SLC8A1: variants seen among roughly 807,000 people sequenced by gnomAD.
SLC8A1 encodes the protein solute carrier family 8 member A1.
A neutral mutation model predicts 68.3 loss-of-function variants in SLC8A1; 18 were observed. The ratio of observed to expected loss-of-function variants is 0.26; its 90% CI spans 0.18 to 0.39. The LOEUF (loss-of-function observed/expected upper bound fraction) is 0.39, where lower values mean the gene tolerates loss of function less well. SLC8A1 is among the 10% of genes least tolerant of loss of function. The pLI is 1.00. For synonymous variants in SLC8A1, 475 were observed against 415.5 expected (o/e 1.14, Z -1.74); for missense variants, 985 against 1,156.7 (o/e 0.85, Z 2.15).
chr2:40,200,219 T>TAAA (rs1558722197), intron 2 of SLC8A1, among the ~76,000 whole-genome samples: 852 of 2,870 alleles, frequency 0.3, 198 homozygotes, highest in South Asian at 0.52. Flanking sequence ...TATATATATA[T>TAAA]TTTTTTATAT....
intron 2 of SLC8A1, among the ~76,000 whole-genome samples, 156 bp from the exon 3 acceptor site, chr2:40,178,649 CAGAT>C (rs1476340052): frequency 6.6e-6 from 1 of 152,130 alleles, no homozygotes; most frequent in Non-Finnish European, 1.5e-5. Context: ...GAATGGGTAT[CAGAT>C]AGGTATGAAA....
At chr2:40,102,043 C>A (rs1217880869) in exon 8 of SLC8A1, 1 of 152,108 alleles carries the variant, frequency 6.6e-6, no homozygotes, top group Non-Finnish European at 1.5e-5. Context: ...TATTGGATTT[C>A]CCCCACCAGA....
chr2:40,200,224 T>TATATATAAATATAAA (rs1558722544), intron 2 of SLC8A1, among the ~76,000 whole-genome samples: 6 of 4,550 alleles, frequency 1.3e-3, no homozygotes, highest in African/African-American at 3.2e-3. Flanking sequence ...ATATATTTTT[T>TATATATAAATATAAA]TATATATATA....
chr2:40,324,105 A>G (rs2075543865), intron 2 of SLC8A1, among the ~76,000 whole-genome samples: 1 of 152,072 alleles, frequency 6.6e-6, no homozygotes, highest in Non-Finnish European at 1.5e-5. Context: ...TAGTCACCCT[A>G]CTTATAAATA....
chr2:40,450,066 G>A (rs1576579606), intron 1 of SLC8A1, among the ~76,000 whole-genome samples: 1 of 152,114 alleles, frequency 6.6e-6, no homozygotes, highest in African/African-American at 2.4e-5. Context: ...GATGAAATAA[G>A]TTGGTCCTCC....
intron 6 of SLC8A1, among the ~76,000 whole-genome samples, chr2:40,151,667 T>TA (rs1186304967): frequency 1.3e-5 from 2 of 152,148 alleles, no homozygotes; most frequent in South Asian, 4.2e-4. Context: ...ACACGTAGAT[T>TA]AAAAAAAGAC....
At chr2:40,314,599 G>A (rs1203091836) in intron 2 of SLC8A1, among the ~76,000 whole-genome samples, 2 of 151,820 alleles carry the variant, frequency 1.3e-5, no homozygotes, top group African/African-American at 2.4e-5. Flanking sequence ...TGGGAAGAAC[G>A]ATTATCTTAA....
intron 1 of SLC8A1, among the ~76,000 whole-genome samples, chr2:40,505,047 G>A (rs934882229): frequency 6.6e-6 from 1 of 151,868 alleles, no homozygotes; most frequent in African/African-American, 2.4e-5. Flanking sequence ...CTAAGATTTG[G>A]AAGCTCCCTA....
At chr2:40,125,824 C>CA in intron 7 of SLC8A1, among the ~76,000 whole-genome samples, 1 of 152,170 alleles carries the variant, frequency 6.6e-6, no homozygotes, top group East Asian at 1.9e-4. Context: ...CCTGATCTCT[C>CA]AAAATGTTCT....
chr2:40,304,613 G>A (rs1575220824), intron 2 of SLC8A1, among the ~76,000 whole-genome samples: 1 of 152,072 alleles, frequency 6.6e-6, no homozygotes, highest in South Asian at 2.1e-4. Flanking sequence ...TTTCAGCGCG[G>A]TTTGGCATCC....
chr2:40,492,501 A>C (rs1384483697), intron 1 of SLC8A1, among the ~76,000 whole-genome samples: 1 of 151,994 alleles, frequency 6.6e-6, no homozygotes, highest in Non-Finnish European at 1.5e-5. Flanking sequence ...AATGGGATCT[A>C]ATTAAACTAA....
intron 2 of SLC8A1, among the ~76,000 whole-genome samples, chr2:40,342,521 G>A (rs1046604403): frequency 1.8e-4 from 28 of 152,114 alleles, no homozygotes; most frequent in African/African-American, 5.3e-4. Flanking sequence ...AAAGATGGAC[G>A]AGTAAGTAGT....
At chr2:40,324,319 G>A (rs1024190582) in intron 2 of SLC8A1, among the ~76,000 whole-genome samples, 3 of 152,138 alleles carry the variant, frequency 2.0e-5, no homozygotes, top group Admixed American at 1.3e-4. Context: ...AAAAGTCAAG[G>A]AGTGGGAATT....
intron 4 of SLC8A1, among the ~76,000 whole-genome samples, chr2:40,172,081 C>A (rs1214753280): frequency 6.6e-6 from 1 of 152,240 alleles, no homozygotes; most frequent in African/African-American, 2.4e-5. Flanking sequence ...TAGATTAATT[C>A]TTCTTACTGC....
At chr2:40,502,236 T>C (rs1337807059) in intron 1 of SLC8A1, among the ~76,000 whole-genome samples, 2 of 152,120 alleles carry the variant, frequency 1.3e-5, no homozygotes, top group Non-Finnish European at 2.9e-5. Context: ...TTTCCCAATT[T>C]AGCTTCCCTT....
chr2:40,467,958 A>G (rs1046225328), intron 1 of SLC8A1, among the ~76,000 whole-genome samples: 5 of 152,138 alleles, frequency 3.3e-5, no homozygotes, highest in African/African-American at 9.7e-5. Context: ...CTTTAAGCAA[A>G]TCACTTCAGC....
At chr2:40,380,106 G>C (rs1159299685) in intron 2 of SLC8A1, among the ~76,000 whole-genome samples, 2 of 152,092 alleles carry the variant, frequency 1.3e-5, no homozygotes. Context: ...TCAGTGCTTT[G>C]TAGTTTACAA....
intron 7 of SLC8A1, among the ~76,000 whole-genome samples, chr2:40,137,510 T>C (rs900172120): frequency 1.3e-5 from 2 of 152,164 alleles, no homozygotes; most frequent in Non-Finnish European, 2.9e-5. Context: ...ACTTAAACCA[T>C]AGGAAAAGTG....
chr2:40,494,818 C>G (rs1230404872), intron 1 of SLC8A1, among the ~76,000 whole-genome samples: 1 of 151,182 alleles, frequency 6.6e-6, no homozygotes, highest in Non-Finnish European at 1.5e-5. Context: ...GTGCTTCTAC[C>G]TGTTGGATGA....
Sources: gnomAD v4.1 joint callset for allele counts (sites outside exome capture counted in the v4.1 genomes callset) on GRCh38, gnomAD v4.1.1 for gene constraint, MANE v1.5 for transcripts, NCBI Gene and HGNC (gene_info 2026-07-23, HGNC 2026-07-21) for gene names.